MAPK4: variants seen among roughly 807,000 people sequenced by gnomAD.
The protein encoded by MAPK4 is mitogen-activated protein kinase 4, also known as Erk3-related.
Under a neutral mutation model 47.7 loss-of-function variants are expected in MAPK4, and 22 were observed. That is an observed-to-expected ratio of 0.46 (90% CI 0.33 to 0.66). The LOEUF (loss-of-function observed/expected upper bound fraction) is 0.66, where lower values mean the gene tolerates loss of function less well. MAPK4 is among the 30% of genes least tolerant of loss of function. The pLI is 0.02. For missense variants in MAPK4, 736 were observed against 831.7 expected (o/e 0.88, Z 1.42); for synonymous variants, 390 against 365.7 (o/e 1.07, Z -0.76).
At chr18:50,634,302 G>A (rs1357374523) in intron 1 of MAPK4, among the ~76,000 whole-genome samples, 1 of 115,012 alleles carries the variant, frequency 8.7e-6, no homozygotes, top group Non-Finnish European at 1.7e-5. Flanking sequence ...TGGCTGTCAG[G>A]TGTTTTTTTT....
chr18:50,704,633 C>G, intron 2 of MAPK4: 1 of 398,642 alleles, frequency 2.5e-6, no homozygotes. Context: ...CTCTGCAAGT[C>G]AAACTGGGGA....
At chr18:50,649,701 C>A (rs757218818) in intron 1 of MAPK4, among the ~76,000 whole-genome samples, 1 of 152,200 alleles carries the variant, frequency 6.6e-6, no homozygotes, top group Non-Finnish European at 1.5e-5. Flanking sequence ...AGTACTCTTC[C>A]TCCCAAAGGG....
chr18:50,717,054 C>G (rs997835554), intron 3 of MAPK4, among the ~76,000 whole-genome samples: 1 of 152,180 alleles, frequency 6.6e-6, no homozygotes, highest in Non-Finnish European at 1.5e-5. Context: ...GTCATGGCCT[C>G]CCTCTCCACA....
chr18:50,640,249 C>A (rs1248906040), intron 1 of MAPK4, among the ~76,000 whole-genome samples: 1 of 152,144 alleles, frequency 6.6e-6, no homozygotes, highest in East Asian at 1.9e-4. Flanking sequence ...AGGCTTTTTA[C>A]CCCCTTGGGG....
intron 1 of MAPK4, among the ~76,000 whole-genome samples, chr18:50,605,901 G>C (rs949097786): frequency 5.9e-5 from 9 of 152,116 alleles, no homozygotes; most frequent in Non-Finnish European, 1.2e-4. Context: ...GCAGTCAGAG[G>C]GAAAGATAAG....
At chr18:50,634,662 G>A (rs2042866240) in intron 1 of MAPK4, among the ~76,000 whole-genome samples, 1 of 152,182 alleles carries the variant, frequency 6.6e-6, no homozygotes, top group Non-Finnish European at 1.5e-5. Context: ...TCTGTGATCT[G>A]AAACAGCCAG....
chr18:50,615,453 A>G (rs1417905081), intron 1 of MAPK4, among the ~76,000 whole-genome samples: 2 of 152,154 alleles, frequency 1.3e-5, no homozygotes, highest in African/African-American at 2.4e-5. Context: ...ATGGCTCAGA[A>G]TGGCTCCCAT....
chr18:50,689,170 C>T (rs926844268), intron 2 of MAPK4, among the ~76,000 whole-genome samples: 12 of 140,912 alleles, frequency 8.5e-5, no homozygotes, highest in South Asian at 2.2e-4. Context: ...CTGAGGCGGG[C>T]GGATCACATG....
chr18:50,586,947 G>A (rs984420037), intron 1 of MAPK4, among the ~76,000 whole-genome samples: 2 of 151,982 alleles, frequency 1.3e-5, no homozygotes, highest in Non-Finnish European at 2.9e-5. Flanking sequence ...GTTTTTTAGA[G>A]GGATGAATTT....
rs1284467561 is a variant in MAPK4, at chr18:50,612,673, C to A, written c.-870-50416C>A. 2.0e-5 allele frequency among the ~76,000 whole-genome samples: 3 copies of A among 152,294 alleles called. No individual in the cohort carries two copies. The East Asian group carries it at 5.8e-4, about 29-fold the overall frequency. The stretch of plus-strand genomic sequence containing the variant: ...TCTAAGAAGACAGGATTGGGGTCAT[C>A]TTCTGTGTACATCCTATAGCACCCT... On this transcript the variant is annotated intron_variant, in intron 1 of 5. Transcript: ENST00000400384.
intron 2 of MAPK4, among the ~76,000 whole-genome samples, chr18:50,681,538 T>C (rs902220269): frequency 6.6e-6 from 1 of 152,212 alleles, no homozygotes; most frequent in South Asian, 2.1e-4. Context: ...TTTCTTCAAT[T>C]TTTGTAGTTT....
chr18:50,648,099 C>CAGAGAGAGAGAGAG (rs146378809), intron 1 of MAPK4, among the ~76,000 whole-genome samples: 15 of 147,090 alleles, frequency 1.0e-4, no homozygotes, highest in African/African-American at 3.8e-4. Context: ...AAGAAAGACC[C>CAGAGAGAGAGAGAG]AGAGAGAGAG....
intron 1 of MAPK4, among the ~76,000 whole-genome samples, chr18:50,572,918 A>T (rs1257410617): frequency 1.3e-5 from 2 of 152,176 alleles, no homozygotes; most frequent in African/African-American, 4.8e-5. Context: ...ATTGCCTTAA[A>T]CTTAGATTAT....
At chr18:50,652,962 G>T (rs1450420196) in intron 1 of MAPK4, among the ~76,000 whole-genome samples, 5 of 152,220 alleles carry the variant, frequency 3.3e-5, no homozygotes, top group African/African-American at 1.2e-4. Context: ...CAGGAAGATT[G>T]CTTGAGCCCA....
At chr18:50,605,663 T>G (rs1401508172) in intron 1 of MAPK4, among the ~76,000 whole-genome samples, 1 of 152,224 alleles carries the variant, frequency 6.6e-6, no homozygotes, top group Non-Finnish European at 1.5e-5. Flanking sequence ...AGAGGGGCAG[T>G]TGAGCTGTCA....
chr18:50,600,381 G>T (rs1723281008), intron 1 of MAPK4, among the ~76,000 whole-genome samples: 1 of 152,196 alleles, frequency 6.6e-6, no homozygotes, highest in Non-Finnish European at 1.5e-5. Context: ...TTGGTTGAAG[G>T]CATTCCTCCT....
intron 1 of MAPK4, among the ~76,000 whole-genome samples, chr18:50,592,014 G>A (rs1251105395): frequency 6.6e-6 from 1 of 152,100 alleles, no homozygotes; most frequent in Non-Finnish European, 1.5e-5. Flanking sequence ...CTATTTTAAT[G>A]GCCAGAAAGA....
intron 1 of MAPK4, among the ~76,000 whole-genome samples, chr18:50,658,632 C>T (rs892983991): frequency 1.3e-5 from 2 of 152,192 alleles, no homozygotes; most frequent in African/African-American, 2.4e-5. Flanking sequence ...AGTGGGGTTG[C>T]GGAGCAAGGC....
intron 2 of MAPK4, among the ~76,000 whole-genome samples, chr18:50,679,886 G>A (rs575351571): frequency 1.3e-4 from 19 of 151,926 alleles, no homozygotes; most frequent in African/African-American, 2.4e-4. Context: ...GCCTCTCCCC[G>A]TGCTCTTACG....
Sources: allele counts gnomAD v4.1 joint callset (sites outside exome capture counted in the v4.1 genomes callset), GRCh38; gene constraint gnomAD v4.1.1; transcripts MANE v1.5; gene names NCBI Gene and HGNC (gene_info 2026-07-23, HGNC 2026-07-21).